RPF2: variants seen among roughly 807,000 people sequenced by gnomAD.
RPF2 encodes the protein ribosome production factor 2 homolog.
RPF2 carries 21 observed loss-of-function variants against 38.9 expected under a neutral mutation model. That is an observed-to-expected ratio of 0.54 (90% CI 0.38 to 0.78). The LOEUF (loss-of-function observed/expected upper bound fraction) is 0.78, where lower values mean the gene tolerates loss of function less well. RPF2 is among the 30% of genes least tolerant of loss of function. The pLI, the probability that RPF2 is intolerant of heterozygous loss-of-function variation, is 0.00. For synonymous variants in RPF2, 121 were observed against 126.2 expected, an observed-to-expected ratio of 0.96 and a Z score of 0.28; for missense variants, 314 against 358.1, an observed-to-expected ratio of 0.88 and a Z score of 0.99.
intron 1 of RPF2, among the ~76,000 whole-genome samples, chr6:110,983,006 G>A (rs935430002): frequency 1.3e-5 from 2 of 152,216 alleles, no homozygotes; most frequent in Non-Finnish European, 2.9e-5. Context: ...ATGATCAGAA[G>A]CTTTATATGT....
At chr6:111,009,592 T>C (rs537042896) in intron 7 of RPF2, among the ~76,000 whole-genome samples, 1 of 152,322 alleles carries the variant, frequency 6.6e-6, no homozygotes, top group East Asian at 1.9e-4. Flanking sequence ...CCTTGTGAGG[T>C]TGTTCTACAG....
Position 111,025,581 on chromosome 6 carries a change from G to A in RPF2, c.920G>A (p.Ter307=). ...AAGTCAAAAAGAATTAAAAAAAATT[G>A]ATGGAACTTAGCCAGCCACTACTGT... ...EKKSKRIKKN[*] Residue 307 remains the stop codon, a stop_retained_variant, in exon 10 of 10, where the codon TGA becomes TAA. Coordinates refer to ENST00000441448, the MANE Select transcript of RPF2 (RefSeq NM_032194.3). 1 of 1,603,248 alleles carries A rather than the reference G, an allele frequency of 6.2e-7. No individual in the cohort carries two copies. Among genetic ancestry groups the A allele is most frequent in the Non-Finnish European group, 8.5e-7 (1 of 1,176,422 alleles).
At position 111,008,260 on chromosome 6, in the gene RPF2, T is replaced by A. The variant is rs1216723345; in HGVS notation, c.493+123T>A. On this transcript the variant is annotated intron_variant, in intron 7 of 9. Transcript: ENST00000441448. ...TTTTCTCTTATTTTAAAAATAATAT[T>A]TATATACTTAAAATAATGGAGTGCT... 2.8e-6 allele frequency: 3 copies of A among 1,078,176 alleles called. No individual in the cohort carries two copies. In the African/African-American group the frequency reaches 5.1e-5, roughly 18 times the overall value. 66.8% of individuals were successfully genotyped at this position (1,078,176 alleles called of 1,614,324 possible).
At chr6:111,001,817 C>G (rs138514743) in intron 6 of RPF2, among the ~76,000 whole-genome samples, 49 of 152,310 alleles carry the variant, frequency 3.2e-4, no homozygotes, top group Non-Finnish European at 5.7e-4. Flanking sequence ...CATTTCACTT[C>G]CAAAGCAATG....
intron 3 of RPF2, among the ~76,000 whole-genome samples, chr6:110,991,416 A>ATTTG (rs1167072256): frequency 6.8e-6 from 1 of 147,010 alleles, no homozygotes; most frequent in African/African-American, 2.5e-5. Context: ...TTTTTTTTTA[A>ATTTG]CACACTTTCT....
intron 7 of RPF2, among the ~76,000 whole-genome samples, chr6:111,012,443 T>G (rs1772036001): frequency 6.6e-6 from 1 of 151,872 alleles, no homozygotes; most frequent in African/African-American, 2.4e-5. Flanking sequence ...AAGTTGGAGG[T>G]GTGAGCCAAC....
chr6:111,008,212 C>T, intron 7 of RPF2, 75 bp downstream of exon 7: 2 of 1,449,950 alleles, frequency 1.4e-6, no homozygotes, highest in Non-Finnish European at 1.8e-6. Flanking sequence ...TGGCACTTTG[C>T]TACTTTAGGT....
At chr6:110,996,331 A>G (rs1771710797) in intron 4 of RPF2, among the ~76,000 whole-genome samples, 1 of 151,802 alleles carries the variant, frequency 6.6e-6, no homozygotes, top group Non-Finnish European at 1.5e-5. Context: ...GGCATGCACT[A>G]CCATGCCTGG....
chr6:111,015,124 G>GA (rs1434944916), intron 7 of RPF2, among the ~76,000 whole-genome samples: 1 of 152,204 alleles, frequency 6.6e-6, no homozygotes, highest in Non-Finnish European at 1.5e-5. Context: ...TGTAAATGGA[G>GA]AATGGTACAG....
chr6:111,020,377 AG>A (rs1255172935), intron 8 of RPF2, among the ~76,000 whole-genome samples: 1 of 152,214 alleles, frequency 6.6e-6, no homozygotes, highest in African/African-American at 2.4e-5. Flanking sequence ...AGGGGATACA[AG>A]GGAGATAAAA....
chr6:111,005,922 C>A (rs991087010), intron 6 of RPF2, among the ~76,000 whole-genome samples: 1 of 152,192 alleles, frequency 6.6e-6, no homozygotes, highest in Non-Finnish European at 1.5e-5. Flanking sequence ...AGCAATTTTC[C>A]TGTCTCAGCC....
chr6:111,025,766 A>G lies in RPF2; in HGVS notation c.*184A>G, dbSNP rs1044148217. 12 of 424,854 alleles carry G rather than the reference A, an allele frequency of 2.8e-5. No individual in the cohort carries two copies. The Admixed American group carries it at 4.7e-4, about 17-fold the overall frequency. The allele number at this position is 424,854 out of a possible 1,614,324, so 26.3% of individuals were successfully genotyped here. On this transcript the variant is annotated 3_prime_UTR_variant, in exon 10 of 10. Transcript: ENST00000441448. ...GTAAAGTAAGCCTTTTATTTGAGAC[A>G]TTACACCCTGGTGTGCCATTTTCTC... is the stretch of plus-strand genomic sequence containing the variant.
At chr6:111,003,628 C>T (rs1365957145) in intron 6 of RPF2, among the ~76,000 whole-genome samples, 1 of 152,106 alleles carries the variant, frequency 6.6e-6, no homozygotes, top group Admixed American at 6.6e-5. Context: ...GTAAGACTAG[C>T]CTGGACAACA....
At chr6:110,997,116 T>G (rs1460590960) in intron 4 of RPF2, 67 bp from the exon 5 acceptor site, 1 of 1,047,036 alleles carries the variant, frequency 9.6e-7, no homozygotes, top group African/African-American at 1.6e-5. Flanking sequence ...GTAAGATTTT[T>G]AAAGGTAAGA....
rs182757034 is a variant in RPF2 at position 110,991,174 on chromosome 6, T to G, written c.195-573T>G. 1.0e-3 allele frequency among the ~76,000 whole-genome samples: 152 copies of G among 152,314 alleles called. 1 individual carries two copies. Among genetic ancestry groups the G allele is most frequent in the African/African-American group, 3.6e-3 (148 of 41,572 alleles). ...GCTTCCCATAAAAGTAAGTTGCATA[T>G]ACTTTAAATCATCTCTCGATTACTT... On this transcript the variant is annotated intron_variant, in intron 3 of 9. Coordinates refer to ENST00000441448, the MANE Select transcript of RPF2 (RefSeq NM_032194.3).
intron 7 of RPF2, among the ~76,000 whole-genome samples, chr6:111,011,897 A>G (rs956378468): frequency 2.6e-5 from 4 of 152,184 alleles, no homozygotes; most frequent in Non-Finnish European, 5.9e-5. Flanking sequence ...AGGAATCTGG[A>G]CAGAAGCAGA....
intron 4 of RPF2, among the ~76,000 whole-genome samples, chr6:110,996,018 A>G (rs535341794): frequency 9.2e-5 from 14 of 151,732 alleles, no homozygotes; most frequent in East Asian, 3.9e-4. Context: ...GGGTTTCACT[A>G]TGTTGCTCAG....
At chr6:111,006,906 T>C (rs1385656604) in intron 6 of RPF2, among the ~76,000 whole-genome samples, 1 of 151,962 alleles carries the variant, frequency 6.6e-6, no homozygotes, top group African/African-American at 2.4e-5. Flanking sequence ...AAACCCCATC[T>C]CTACTAAAAA....
intron 6 of RPF2, among the ~76,000 whole-genome samples, chr6:111,003,338 T>C (rs1224852285): frequency 6.6e-6 from 1 of 151,698 alleles, no homozygotes; most frequent in Non-Finnish European, 1.5e-5. Flanking sequence ...TCACCCAGGC[T>C]GGAGTGCAGT....
Sources: allele counts gnomAD v4.1 joint callset (sites outside exome capture counted in the v4.1 genomes callset), GRCh38; gene constraint gnomAD v4.1.1; transcripts MANE v1.5; gene names NCBI Gene and HGNC (gene_info 2026-07-23, HGNC 2026-07-21).